The following LHFPL6 variants were observed in gnomAD, a reference collection of about 807,000 sequenced individuals.
LHFPL6 encodes the protein LHFPL tetraspan subfamily member 6.
Under a neutral mutation model 20.6 loss-of-function variants are expected in LHFPL6, and 9 were observed. That is an observed-to-expected ratio of 0.44 (90% CI 0.26 to 0.76). The LOEUF (loss-of-function observed/expected upper bound fraction) is 0.76, where lower values mean the gene tolerates loss of function less well. LHFPL6 is among the 30% of genes least tolerant of loss of function. The probability of loss-of-function intolerance (pLI) is 0.20; values close to 1 mark genes in which losing one functional copy is unlikely to be tolerated. For synonymous variants in LHFPL6, 105 were observed against 98.7 expected (o/e 1.06, Z -0.38); for missense variants, 218 against 253.5 (o/e 0.86, Z 0.95).
At chr13:39,499,265 A>C (rs2138461876) in intron 2 of LHFPL6, among the ~76,000 whole-genome samples, 1 of 110,794 alleles carries the variant, frequency 9.0e-6, no homozygotes, top group South Asian at 2.5e-4. Flanking sequence ...TCTTTTATTA[A>C]CCCTGTTAGA....
At chr13:39,369,711 A>G (rs1432973743) in intron 3 of LHFPL6, among the ~76,000 whole-genome samples, 4 of 151,314 alleles carry the variant, frequency 2.6e-5, no homozygotes, top group Admixed American at 2.0e-4. Flanking sequence ...AATTATGTCT[A>G]TCTTCTTCAC....
At chr13:39,457,002 G>A (rs1303195797) in intron 2 of LHFPL6, among the ~76,000 whole-genome samples, 1 of 152,078 alleles carries the variant, frequency 6.6e-6, no homozygotes, top group Non-Finnish European at 1.5e-5. Context: ...GTTTCACTAT[G>A]CTGGCCAGGC....
chr13:39,410,805 T>A (rs1487071647), intron 2 of LHFPL6, among the ~76,000 whole-genome samples: 1 of 152,178 alleles, frequency 6.6e-6, no homozygotes, highest in Non-Finnish European at 1.5e-5. Context: ...TGTTAACATT[T>A]CACTACTTCC....
At chr13:39,397,520 G>A (rs572832735) in intron 2 of LHFPL6, among the ~76,000 whole-genome samples, 9 of 152,292 alleles carry the variant, frequency 5.9e-5, no homozygotes, top group East Asian at 1.9e-4. Context: ...GAAATTTACC[G>A]ACTTTTACTT....
intron 2 of LHFPL6, among the ~76,000 whole-genome samples, chr13:39,438,519 G>A (rs967268068): frequency 6.6e-6 from 1 of 152,234 alleles, no homozygotes; most frequent in Non-Finnish European, 1.5e-5. Flanking sequence ...AAGTAAAGAG[G>A]AGCCAAGTGC....
intron 2 of LHFPL6, among the ~76,000 whole-genome samples, chr13:39,454,436 C>T (rs1440480665): frequency 2.7e-5 from 1 of 37,222 alleles, no homozygotes; most frequent in Non-Finnish European, 4.5e-5. Context: ...GAGACCATCC[C>T]GGCTAAAACG....
intron 2 of LHFPL6, among the ~76,000 whole-genome samples, chr13:39,381,826 CAAA>C (rs10581776): frequency 2.1e-5 from 3 of 140,484 alleles, no homozygotes; most frequent in Non-Finnish European, 3.1e-5. Context: ...AATTTATAGA[CAAA>C]AAAAAAAAAA....
At chr13:39,362,014 TA>T (rs1869886389) in intron 3 of LHFPL6, among the ~76,000 whole-genome samples, 1 of 152,244 alleles carries the variant, frequency 6.6e-6, no homozygotes, top group Non-Finnish European at 1.5e-5. Flanking sequence ...TTCTTTGTAT[TA>T]TTCTGTAGCT....
intron 2 of LHFPL6, among the ~76,000 whole-genome samples, chr13:39,461,558 C>T (rs1237357400): frequency 6.6e-6 from 1 of 152,170 alleles, no homozygotes; most frequent in African/African-American, 2.4e-5. Context: ...AGAACTTTAA[C>T]ATCATCACAA....
At chr13:39,519,890 C>T (rs953177498) in intron 2 of LHFPL6, among the ~76,000 whole-genome samples, 2 of 152,170 alleles carry the variant, frequency 1.3e-5, no homozygotes, top group African/African-American at 2.4e-5. Context: ...AAATCTTTAA[C>T]ATTCAAGCCA....
At chr13:39,599,764 T>G (rs1314352585) in intron 2 of LHFPL6, among the ~76,000 whole-genome samples, 1 of 152,222 alleles carries the variant, frequency 6.6e-6, no homozygotes, top group African/African-American at 2.4e-5. Context: ...AAATAATCCA[T>G]TGGGGTTCTC....
At chr13:39,474,160 C>T (rs1873020694) in intron 2 of LHFPL6, among the ~76,000 whole-genome samples, 1 of 152,138 alleles carries the variant, frequency 6.6e-6, no homozygotes, top group South Asian at 2.1e-4. Flanking sequence ...TTTTTTATGA[C>T]CCTGTATTAA....
chr13:39,381,744 T>C (rs933434121), intron 2 of LHFPL6, among the ~76,000 whole-genome samples: 1 of 151,048 alleles, frequency 6.6e-6, no homozygotes, highest in Non-Finnish European at 1.5e-5. Flanking sequence ...TTAAAAAAAA[T>C]TCACAAATCA....
intron 2 of LHFPL6, among the ~76,000 whole-genome samples, chr13:39,449,189 A>T (rs1447564726): frequency 1.3e-5 from 2 of 152,254 alleles, no homozygotes; most frequent in African/African-American, 4.8e-5. Context: ...TCTGTTCTGA[A>T]TGACCAGTGA....
At chr13:39,407,692 A>G (rs1196580680) in intron 2 of LHFPL6, among the ~76,000 whole-genome samples, 1 of 152,236 alleles carries the variant, frequency 6.6e-6, no homozygotes, top group Non-Finnish European at 1.5e-5. Context: ...AATATTTTTT[A>G]AAAGGGTGTT....
chr13:39,508,111 G>GAAGTGGACAACTTTGCTT (rs1869555177), intron 2 of LHFPL6, among the ~76,000 whole-genome samples: 1 of 150,686 alleles, frequency 6.6e-6, no homozygotes, highest in African/African-American at 2.4e-5. Context: ...ATCAATTTCC[G>GAAGTGGACAACTTTGCTT]CCTCCCAGGT....
At chr13:39,548,611 A>G (rs1011472089) in intron 2 of LHFPL6, among the ~76,000 whole-genome samples, 3 of 152,096 alleles carry the variant, frequency 2.0e-5, no homozygotes, top group African/African-American at 7.3e-5. Context: ...CATGTCCAAA[A>G]TCATAATGCA....
chr13:39,393,240 G>T (rs1870756523), intron 2 of LHFPL6, among the ~76,000 whole-genome samples: 1 of 152,228 alleles, frequency 6.6e-6, no homozygotes, highest in African/African-American at 2.4e-5. Flanking sequence ...TCTGTTTCAT[G>T]CACTGAGCTG....
At chr13:39,562,688 A>T (rs1275104862) in intron 2 of LHFPL6, among the ~76,000 whole-genome samples, 1 of 150,482 alleles carries the variant, frequency 6.6e-6, no homozygotes, top group Non-Finnish European at 1.5e-5. Flanking sequence ...ATACACACAC[A>T]CACACACATA....
Sources: gnomAD v4.1 joint callset for allele counts (sites outside exome capture counted in the v4.1 genomes callset) on GRCh38, gnomAD v4.1.1 for gene constraint, MANE v1.5 for transcripts, NCBI Gene and HGNC (gene_info 2026-07-23, HGNC 2026-07-21) for gene names.